FGF12: variants seen among roughly 807,000 people sequenced by gnomAD.
FGF12 encodes the protein fibroblast growth factor 12.
In FGF12, 14 loss-of-function variants were observed where a neutral mutation model predicts 23.6. The observed-to-expected ratio is 0.59, with a 90% CI of 0.39 to 0.93. The LOEUF (loss-of-function observed/expected upper bound fraction) is 0.93, where lower values mean the gene tolerates loss of function less well. FGF12 is among the 40% of genes least tolerant of loss of function. The pLI is 0.00. For missense variants in FGF12, 175 were observed against 217.8 expected (o/e 0.80, Z 1.24); for synonymous variants, 62 against 77.3 (o/e 0.80, Z 1.04).
chr3:192,541,701 G>A (rs1338261502), intron 2 of FGF12, among the ~76,000 whole-genome samples: 1 of 151,912 alleles, frequency 6.6e-6, no homozygotes, highest in Non-Finnish European at 1.5e-5. Flanking sequence ...ATTTCTTGGA[G>A]GACATGTCTG....
intron 5 of FGF12, among the ~76,000 whole-genome samples, chr3:192,158,076 G>GAGT (rs1472477357): frequency 3.3e-5 from 5 of 152,152 alleles, no homozygotes; most frequent in African/African-American, 1.2e-4. Context: ...AGTTGAGTAT[G>GAGT]TGTAAATATG....
intron 2 of FGF12, among the ~76,000 whole-genome samples, chr3:192,374,732 A>G (rs1364546485): frequency 6.6e-6 from 1 of 152,134 alleles, no homozygotes; most frequent in East Asian, 1.9e-4. Flanking sequence ...GTGCAAGTGA[A>G]GTGACTGCCC....
At chr3:192,528,803 T>A (rs1210792452) in intron 2 of FGF12, among the ~76,000 whole-genome samples, 1 of 152,172 alleles carries the variant, frequency 6.6e-6, no homozygotes, top group Non-Finnish European at 1.5e-5. Context: ...TCTTGCACCC[T>A]CTGAAGTCAT....
chr3:192,654,194 T>G (rs1029373573), intron 2 of FGF12, among the ~76,000 whole-genome samples: 1 of 152,194 alleles, frequency 6.6e-6, no homozygotes, highest in African/African-American at 2.4e-5. Context: ...AGCTAGTGTT[T>G]TGTGGAAGTT....
intron 2 of FGF12, among the ~76,000 whole-genome samples, chr3:192,526,641 A>G (rs987426244): frequency 6.6e-6 from 1 of 152,208 alleles, no homozygotes; most frequent in Non-Finnish European, 1.5e-5. Flanking sequence ...TCATCATGAA[A>G]TATTACTATT....
chr3:192,449,249 G>A (rs1453951997), intron 2 of FGF12, among the ~76,000 whole-genome samples: 1 of 152,128 alleles, frequency 6.6e-6, no homozygotes, highest in Non-Finnish European at 1.5e-5. Context: ...TGGAGGAAGT[G>A]GTTTCTCTCC....
intron 5 of FGF12, among the ~76,000 whole-genome samples, chr3:192,148,066 A>T (rs1420367197): frequency 6.6e-6 from 1 of 152,200 alleles, no homozygotes; most frequent in Admixed American, 6.5e-5. Flanking sequence ...TCCTCAAAAA[A>T]TTAAATACGG....
At chr3:192,520,138 G>A (rs1451494050) in intron 2 of FGF12, among the ~76,000 whole-genome samples, 1 of 152,114 alleles carries the variant, frequency 6.6e-6, no homozygotes, top group Non-Finnish European at 1.5e-5. Flanking sequence ...GAGAGAGCTA[G>A]GAAATCTATA....
chr3:192,262,165 C>T (rs545564898), intron 4 of FGF12, among the ~76,000 whole-genome samples: 112 of 152,204 alleles, frequency 7.4e-4, no homozygotes, highest in Middle Eastern at 3.4e-3. Context: ...GTGCTGACTC[C>T]GTACACATAA....
intron 2 of FGF12, among the ~76,000 whole-genome samples, chr3:192,442,994 A>G (rs746824857): frequency 2.6e-5 from 4 of 151,924 alleles, no homozygotes; most frequent in Non-Finnish European, 4.4e-5. Flanking sequence ...TTTTTAGTAG[A>G]GACGGGGTTT....
intron 4 of FGF12, among the ~76,000 whole-genome samples, chr3:192,267,580 C>T (rs1276012819): frequency 3.9e-5 from 6 of 152,118 alleles, no homozygotes; most frequent in Non-Finnish European, 7.4e-5. Flanking sequence ...TATCTGTCAT[C>T]TATCTACCTA....
chr3:192,283,148 C>T (rs1522259), intron 4 of FGF12: 56,062 of 151,840 alleles, frequency 0.37, 11,409 homozygotes, highest in East Asian at 0.9. Context: ...ACATGAATGG[C>T]ATAACACATA....
At position 192,471,973 on chromosome 3, in the gene FGF12, C is replaced by CAA. The variant is rs112316947; in HGVS notation, c.14-111437_14-111436dup. On this transcript the variant is annotated intron_variant, in intron 2 of 5. Coordinates refer to ENST00000445105, the MANE Select transcript of FGF12 (RefSeq NM_004113.6). The stretch of plus-strand genomic sequence containing the variant: ...AAGTACCTGCACATGCTGATTAAAA[C>CAA]AAAAAAAGCCTATAGATTGTATTTC... 2.8e-3 allele frequency among the ~76,000 whole-genome samples: 427 copies of CAA among 151,872 alleles called. 4 individuals are homozygous for CAA. Among genetic ancestry groups the CAA allele is most frequent in the African/African-American group, 9.7e-3 (403 of 41,472 alleles).
chr3:192,205,699 G>C (rs1468746864), intron 4 of FGF12, among the ~76,000 whole-genome samples: 1 of 152,156 alleles, frequency 6.6e-6, no homozygotes, highest in African/African-American at 2.4e-5. Flanking sequence ...TGAGAACATA[G>C]AAAATGGTGC....
chr3:192,169,298 A>T (rs1009413858), intron 5 of FGF12, among the ~76,000 whole-genome samples: 7 of 152,084 alleles, frequency 4.6e-5, no homozygotes, highest in Non-Finnish European at 1.0e-4. Flanking sequence ...CCGAGATTGC[A>T]CCACCGCACT....
chr3:192,418,589 A>T lies in FGF12; in HGVS notation c.14-58051T>A, dbSNP rs372391789. ...TGTCCGTGCCCAAATCTCATGTTGA[A>T]TTGTAATCCCAGTGTTTGAGGAGGC... On this transcript the variant is annotated intron_variant, in intron 2 of 5. Transcript: ENST00000445105. Among the ~76,000 whole-genome samples, 9 of 152,238 alleles carry T rather than the reference A, an allele frequency of 5.9e-5. No homozygotes were observed. The East Asian group carries it at 1.2e-3, about 20-fold the overall frequency.
chr3:192,489,197 T>G (rs1009321498), intron 2 of FGF12, among the ~76,000 whole-genome samples: 1 of 152,044 alleles, frequency 6.6e-6, no homozygotes, highest in East Asian at 1.9e-4. Context: ...ATCATTATTA[T>G]CACAATAATA....
intron 4 of FGF12, among the ~76,000 whole-genome samples, chr3:192,322,923 C>T (rs1716626480): frequency 6.6e-6 from 1 of 152,060 alleles, no homozygotes; most frequent in African/African-American, 2.4e-5. Context: ...TCTGAGTAGG[C>T]ATTTCTCAGA....
At chr3:192,522,070 C>T (rs538046804) in intron 2 of FGF12, among the ~76,000 whole-genome samples, 219 of 152,080 alleles carry the variant, frequency 1.4e-3, no homozygotes, top group African/African-American at 5.0e-3. Flanking sequence ...CGGTGGCGGG[C>T]GCCTGTAGTC....
Sources: allele counts gnomAD v4.1 joint callset (sites outside exome capture counted in the v4.1 genomes callset), GRCh38; gene constraint gnomAD v4.1.1; transcripts MANE v1.5; gene names NCBI Gene and HGNC (gene_info 2026-07-23, HGNC 2026-07-21).